The following SGSM1 variants were observed in gnomAD, a reference collection of about 807,000 sequenced individuals.
The protein encoded by SGSM1 is RUN and TBC1 domain containing 2.
In SGSM1, 73 loss-of-function variants were observed where a neutral mutation model predicts 133.8. That is an observed-to-expected ratio of 0.55 (90% CI 0.45 to 0.66). The LOEUF (loss-of-function observed/expected upper bound fraction) is 0.66, where lower values mean the gene tolerates loss of function less well. Among genes scored for constraint, SGSM1 ranks in the 30% least tolerant of loss-of-function variants. SGSM1 has a pLI of 0.00. For synonymous variants in SGSM1, 563 were observed against 573.0 expected (o/e 0.98, Z 0.25); for missense variants, 1,213 against 1,448.1 (o/e 0.84, Z 2.64).
At chr22:24,808,540 G>A (rs1927551670) in intron 2 of SGSM1, among the ~76,000 whole-genome samples, 2 of 152,158 alleles carry the variant, frequency 1.3e-5, no homozygotes, top group African/African-American at 4.8e-5. Flanking sequence ...CGTGTAATAT[G>A]TGTCCCTGAG....
rs11704687 is a variant in SGSM1, at chr22:24,921,247, G to A, written c.3193+1254G>A. 2.1e-3 allele frequency among the ~76,000 whole-genome samples: 313 copies of A among 151,960 alleles called. 2 individuals carry two copies. The highest frequency in any genetic ancestry group is 3.3e-3 in the Non-Finnish European group (225 of 67,982). ...CCTGAGTAGCTGGGATTACAGACAC[G>A]CACCACCACGCCCGGCTAATTTTTA... On this transcript the variant is annotated intron_variant, in intron 24 of 24. Coordinates refer to ENST00000400358, the MANE Select transcript of SGSM1 (RefSeq NM_001098497.3).
chr22:24,861,802 C>T (rs1008711740), intron 9 of SGSM1, among the ~76,000 whole-genome samples: 5 of 151,396 alleles, frequency 3.3e-5, no homozygotes, highest in African/African-American at 7.3e-5. Flanking sequence ...CCATCTCGGC[C>T]GCCTCTCAAG....
In SGSM1 at chr22:24,912,711, G is replaced by A. The variant is rs762566387; in HGVS notation, c.2887G>A (p.Ala963Thr). The change falls in exon 22 of 25, where the codon GCC becomes ACC. Residue 963 changes from alanine to threonine, a missense_variant. Ala to Thr is a moderately conservative substitution (Grantham distance 58, BLOSUM62 0). Transcript: ENST00000400358. ...GAACCAGAACTTCCCCCACGGAGGCGCCATGGACACGCACTTTGCAAACAT... is the reference window on the plus strand; with the variant it reads ...GAACCAGAACTTCCCCCACGGAGGCACCATGGACACGCACTTTGCAAACAT... The part of the protein sequence containing the change: ...RMNQNFPHGG[A>T]MDTHFANMRS... 2.6e-5 allele frequency: 42 copies of A among 1,613,568 alleles called. No homozygotes were observed. The highest frequency in any genetic ancestry group is 6.7e-5 in the East Asian group (3 of 44,876).
At chr22:24,852,407 A>G (rs1475650088) in intron 5 of SGSM1, among the ~76,000 whole-genome samples, 1 of 152,186 alleles carries the variant, frequency 6.6e-6, no homozygotes, top group Non-Finnish European at 1.5e-5. Flanking sequence ...TACTTCTTAC[A>G]GTCACACCTC....
chr22:24,915,675 A>G (rs985358499), intron 22 of SGSM1, among the ~76,000 whole-genome samples: 2 of 152,248 alleles, frequency 1.3e-5, no homozygotes, highest in Admixed American at 1.3e-4. Context: ...CAATCCCTCA[A>G]GCATTTATCC....
intron 13 of SGSM1, among the ~76,000 whole-genome samples, chr22:24,878,992 A>G (rs940684409): frequency 2.0e-5 from 3 of 152,208 alleles, no homozygotes; most frequent in South Asian, 2.1e-4. Context: ...GCTTGCTTCT[A>G]TGATGGTTCC....
Position 24,899,649 on chromosome 22 carries a change from A to C in SGSM1, c.2610+1090A>C, listed in dbSNP as rs1933055495. Among the ~76,000 whole-genome samples the C allele has an allele frequency of 4.0e-5, 6 of 151,216 alleles. No homozygotes were observed. In the South Asian group the frequency reaches 1.3e-3, roughly 32 times the overall value. On this transcript the variant is annotated intron_variant, in intron 19 of 24. Coordinates refer to ENST00000400358, the MANE Select transcript of SGSM1 (RefSeq NM_001098497.3). ...GCCATTCTCTTGCCTCAGCCTCCCA[A>C]GTAGAAGGACTACAGGCGCCCGCCA...
rs950777975 is a variant in SGSM1, at chr22:24,924,327, GCTTA to G, written c.*57_*60del. On this transcript the variant is annotated 3_prime_UTR_variant, in exon 25 of 25. Transcript: ENST00000400358. ...CAAGCTGCCCCTGCCCCGCTCCTCT[GCTTA>G]CTTTTCCTCCTGGCTGGATGGGCAC... 1 of 1,540,168 alleles carries G rather than the reference GCTTA, an allele frequency of 6.5e-7. No homozygotes were observed. Among genetic ancestry groups the G allele is most frequent in the Non-Finnish European group, 9.0e-7 (1 of 1,116,374 alleles).
rs946069189 is a variant in SGSM1, at chr22:24,898,900, A to G, written c.2610+341A>G. On this transcript the variant is annotated intron_variant, in intron 19 of 24. Transcript: ENST00000400358. ...AAATTAGCCGGGCGTGGTGGCAGGC[A>G]CCTGTAGTACCAGCTACTTGGGAGG... Among the ~76,000 whole-genome samples the G allele has an allele frequency of 9.9e-5, 15 of 151,728 alleles. No individual in the cohort carries two copies. The South Asian group carries it at 2.7e-3, about 27-fold the overall frequency.
In SGSM1 at chr22:24,900,408, T is replaced by TTTTTCTTTCTTTCTTTCTTTC. The variant is rs1569171053; in HGVS notation, c.2611-1425_2611-1424insTTTTCTTTCTTTCTTTCTTTC. Among the ~76,000 whole-genome samples the TTTTTCTTTCTTTCTTTCTTTC allele has an allele frequency of 2.3e-4, 17 of 75,142 alleles. No homozygotes were observed. In the East Asian group the frequency reaches 9.2e-3, roughly 41 times the overall value. 49.3% of individuals were successfully genotyped at this position (75,142 alleles called of 152,430 possible). The stretch of plus-strand genomic sequence containing the variant: ...CTTTCTTTCTTTCTTTCTTTCTTTC[T>TTTTTCTTTCTTTCTTTCTTTC]GTATTTTTGAGACAGAGTTTCGCTC... On this transcript the variant is annotated intron_variant, in intron 19 of 24. Transcript: ENST00000400358.
At chr22:24,825,624 G>T (rs1436292483) in intron 2 of SGSM1, among the ~76,000 whole-genome samples, 1 of 152,002 alleles carries the variant, frequency 6.6e-6, no homozygotes. Context: ...GAGACGGGGT[G>T]TTACCGTATT....
chr22:24,868,901 T>G (rs1166721416), intron 12 of SGSM1, 46 bp downstream of exon 12: 7 of 1,596,550 alleles, frequency 4.4e-6, no homozygotes, highest in East Asian at 2.2e-5. Flanking sequence ...TGCTAACTGA[T>G]CCTGAAAATG....
At chr22:24,816,656 T>C (rs554670361) in intron 2 of SGSM1, among the ~76,000 whole-genome samples, 1 of 152,206 alleles carries the variant, frequency 6.6e-6, no homozygotes, top group Non-Finnish European at 1.5e-5. Flanking sequence ...CCGCCTGCCT[T>C]GGCCTCCCAA....
chr22:24,818,236 AAAAAAAAAAT>A (rs1374214879), intron 2 of SGSM1, among the ~76,000 whole-genome samples: 3 of 148,842 alleles, frequency 2.0e-5, no homozygotes, highest in Non-Finnish European at 3.0e-5. Flanking sequence ...TGTCTCAAAA[AAAAAAAAAAT>A]AAAATAAAAT....
intron 3 of SGSM1, 59 bp downstream of exon 3, chr22:24,845,031 T>C: frequency 6.5e-7 from 1 of 1,536,350 alleles, no homozygotes; most frequent in Non-Finnish European, 9.0e-7. Flanking sequence ...GGGGAAGTGG[T>C]GTCTTGGAGC....
At chr22:24,831,510 C>G (rs1449950390) in intron 2 of SGSM1, among the ~76,000 whole-genome samples, 2 of 152,142 alleles carry the variant, frequency 1.3e-5, no homozygotes, top group African/African-American at 4.8e-5. Flanking sequence ...GGGTCTTTGA[C>G]AGTTCTGATG....
chr22:24,904,794 A>T (rs1351974353), intron 20 of SGSM1, among the ~76,000 whole-genome samples: 1 of 152,188 alleles, frequency 6.6e-6, no homozygotes, highest in African/African-American at 2.4e-5. Flanking sequence ...GAGGCTGTGA[A>T]GATGAGTTGA....
Position 24,925,645 on chromosome 22 carries a change from C to G in SGSM1, c.*1371C>G, listed in dbSNP as rs1839787263. On this transcript the variant is annotated 3_prime_UTR_variant, in exon 25 of 25. Coordinates refer to ENST00000400358, the MANE Select transcript of SGSM1 (RefSeq NM_001098497.3). ...CCGCCTCTCCTTCCAAGTATTGGGT[C>G]TTGGAAAGGTGTGTGTTTGGTGAAA... is the stretch of plus-strand genomic sequence containing the variant. 1.3e-5 allele frequency: 2 copies of G among 152,092 alleles called. No individual in the cohort carries two copies. Among genetic ancestry groups the G allele is most frequent in the Admixed American group, 1.3e-4 (2 of 15,256 alleles). 9.4% of individuals were successfully genotyped at this position (152,092 alleles called of 1,614,324 possible).
rs1934117918 is a variant in SGSM1, at chr22:24,924,341, C to G, written c.*67C>G. 4.8e-6 allele frequency: 7 copies of G among 1,462,824 alleles called. No homozygotes were observed. The Admixed American group carries it at 6.9e-5, about 14-fold the overall frequency. The allele number at this position is 1,462,824 out of a possible 1,614,324, so 90.6% of individuals were successfully genotyped here. ...CCCGCTCCTCTGCTTACTTTTCCTC[C>G]TGGCTGGATGGGCACCCCGGGAGCG... On this transcript the variant is annotated 3_prime_UTR_variant, in exon 25 of 25. Transcript: ENST00000400358.
Sources: allele counts gnomAD v4.1 joint callset (sites outside exome capture counted in the v4.1 genomes callset), GRCh38; gene constraint gnomAD v4.1.1; transcripts MANE v1.5; gene names NCBI Gene and HGNC (gene_info 2026-07-23, HGNC 2026-07-21).